Variants in ST14 observed in about 807,000 individuals in gnomAD.
The protein encoded by ST14 is suppressor of tumorigenicity 14 protein.
In ST14, 40 loss-of-function variants were observed where a neutral mutation model predicts 96.5. The observed-to-expected ratio is 0.41, with a 90% CI of 0.32 to 0.54. ST14 has a LOEUF of 0.54. Ranked by LOEUF, ST14 falls within the 20% of genes least tolerant of loss-of-function variation. The pLI is 0.17. For synonymous variants in ST14, 506 were observed against 492.1 expected (o/e 1.03, Z -0.37); for missense variants, 1,066 against 1,188.9 (o/e 0.90, Z 1.52).
chr11:130,208,288 C>T (rs970841087), intron 16 of ST14, 122 bp from the exon 17 acceptor site: 12 of 1,390,354 alleles, frequency 8.6e-6, no homozygotes, highest in Admixed American at 3.5e-5. Context: ...CCGGCCCCAT[C>T]GTCTTCTCGT....
At chr11:130,160,190 T>C in intron 1 of ST14, 130 bp downstream of exon 1, 1 of 593,460 alleles carries the variant, frequency 1.7e-6, no homozygotes, top group Non-Finnish European at 2.5e-6. Context: ...CAGGTGGAAT[T>C]TCCTGTTCAG....
chr11:130,208,710 C>G lies in ST14; in HGVS notation c.2269+26C>G, dbSNP rs371819952. On this transcript the variant is annotated intron_variant, in intron 17 of 18. Transcript: ENST00000278742. ...GTAAGCTTCGGGCTGACCTAGGGCT[C>G]CGCAGAGGGCCTGGGGCCTTTCTCC... 25 of 1,603,328 alleles carry G rather than the reference C, an allele frequency of 1.6e-5. No homozygotes were observed. The Admixed American group carries it at 2.0e-4, about 13-fold the overall frequency.
At position 130,177,477 on chromosome 11, in the gene ST14, C is replaced by T. The variant is rs1051505391; in HGVS notation, c.82-10637C>T. Among the ~76,000 whole-genome samples the T allele has an allele frequency of 1.1e-4, 16 of 152,224 alleles. No homozygotes were observed. In the South Asian group the frequency reaches 2.7e-3, roughly 26 times the overall value. ...ACTCGGGAGGCTGAGGCAGGAGAAC[C>T]GCTTGAACCTGGGAGGTGGAGGTTG... On this transcript the variant is annotated intron_variant, in intron 1 of 18. Transcript: ENST00000278742.
chr11:130,197,090 T>A (rs904148325), intron 11 of ST14, among the ~76,000 whole-genome samples: 3 of 152,210 alleles, frequency 2.0e-5, no homozygotes, highest in African/African-American at 7.2e-5. Context: ...CATGAGGAAG[T>A]GCCATTGGCT....
At position 130,162,780 on chromosome 11, in the gene ST14, C is replaced by T. The variant is rs530021097; in HGVS notation, c.81+2720C>T. ...TTCTGACTCATGAGTACTAGCTTCTCGATATGCACTGGGTGAGCACATGGC... is the reference window on the plus strand; with the variant it reads ...TTCTGACTCATGAGTACTAGCTTCTTGATATGCACTGGGTGAGCACATGGC... On this transcript the variant is annotated intron_variant, in intron 1 of 18. Transcript: ENST00000278742. 7.6e-4 allele frequency among the ~76,000 whole-genome samples: 115 copies of T among 152,248 alleles called. 1 individual carries two copies. Among genetic ancestry groups the T allele is most frequent in the African/African-American group, 2.7e-3 (113 of 41,554 alleles).
At chr11:130,204,893 G>A (rs1441284223) in intron 16 of ST14, among the ~76,000 whole-genome samples, 1 of 152,154 alleles carries the variant, frequency 6.6e-6, no homozygotes, top group Non-Finnish European at 1.5e-5. Flanking sequence ...CGCGAGTGAT[G>A]TGGAGGCAGA....
intron 1 of ST14, among the ~76,000 whole-genome samples, chr11:130,179,905 T>C (rs1953174727): frequency 3.9e-5 from 6 of 152,192 alleles, no homozygotes; most frequent in Admixed American, 3.9e-4. Context: ...TGGCTCGGTC[T>C]TTCCCTTGCA....
chr11:130,193,622 G>A (rs987904960), intron 7 of ST14, among the ~76,000 whole-genome samples: 2 of 152,030 alleles, frequency 1.3e-5, no homozygotes, highest in South Asian at 2.1e-4. Context: ...GGCGTGCACC[G>A]TGATGCCCAG....
chr11:130,190,069 T>C (rs779656910), intron 5 of ST14, 44 bp from the exon 6 acceptor site: 10 of 1,613,650 alleles, frequency 6.2e-6, no homozygotes, highest in Non-Finnish European at 8.5e-6. Context: ...AATAAGGAAA[T>C]GGATTGTATC....
At chr11:130,172,660 G>GC (rs1953103524) in intron 1 of ST14, among the ~76,000 whole-genome samples, 1 of 151,102 alleles carries the variant, frequency 6.6e-6, no homozygotes, top group Admixed American at 6.6e-5. Context: ...CTCGTGATCC[G>GC]CCCGCCTCAG....
chr11:130,175,703 G>A (rs1045479342), intron 1 of ST14, among the ~76,000 whole-genome samples: 1 of 150,832 alleles, frequency 6.6e-6, no homozygotes, highest in African/African-American at 2.4e-5. Context: ...ACTCTTTCTT[G>A]CCCAGGCTGG....
intron 12 of ST14, 99 bp downstream of exon 12, chr11:130,198,044 G>T: frequency 7.8e-7 from 1 of 1,288,380 alleles, no homozygotes; most frequent in South Asian, 1.3e-5. Context: ...AAAGGCCGGA[G>T]GTGGTGGGAG....
At chr11:130,199,821 G>A in intron 15 of ST14, 130 bp from the exon 16 acceptor site, 4 of 1,125,052 alleles carry the variant, frequency 3.6e-6, no homozygotes, top group Non-Finnish European at 4.0e-6. Context: ...CCCTGGCCAC[G>A]CCAGCAGTGC....
chr11:130,179,295 T>C (rs1400797482), intron 1 of ST14, among the ~76,000 whole-genome samples: 1 of 152,202 alleles, frequency 6.6e-6, no homozygotes, highest in Non-Finnish European at 1.5e-5. Context: ...ATTGTTCTTT[T>C]TCATGACCAG....
At chr11:130,172,706 C>T (rs762430068) in intron 1 of ST14, among the ~76,000 whole-genome samples, 4 of 152,284 alleles carry the variant, frequency 2.6e-5, no homozygotes, top group South Asian at 2.1e-4. Context: ...CGTGAACCAC[C>T]GCGCCCGGCC....
chr11:130,207,407 C>T (rs1285588572), intron 16 of ST14, among the ~76,000 whole-genome samples: 1 of 152,154 alleles, frequency 6.6e-6, no homozygotes, highest in African/African-American at 2.4e-5. Context: ...AAAAATTAGC[C>T]AGGCGTGGCT....
intron 1 of ST14, among the ~76,000 whole-genome samples, chr11:130,163,773 C>T (rs1953020288): frequency 6.6e-6 from 1 of 152,154 alleles, no homozygotes; most frequent in South Asian, 2.1e-4. Context: ...GGAAATTCCT[C>T]GTTTAGGAGT....
intron 16 of ST14, among the ~76,000 whole-genome samples, chr11:130,204,539 C>T (rs1289087732): frequency 2.0e-5 from 3 of 152,000 alleles, no homozygotes; most frequent in Admixed American, 6.6e-5. Flanking sequence ...GGGCCTGGCG[C>T]GGTGGCTCAT....
chr11:130,174,652 A>G (rs563355447), intron 1 of ST14, among the ~76,000 whole-genome samples: 3 of 152,152 alleles, frequency 2.0e-5, no homozygotes, highest in Non-Finnish European at 4.4e-5. Flanking sequence ...GTTTTGCTTG[A>G]TAAATTTAAA....
Sources: gnomAD v4.1 joint callset for allele counts (sites outside exome capture counted in the v4.1 genomes callset) on GRCh38, gnomAD v4.1.1 for gene constraint, MANE v1.5 for transcripts, NCBI Gene and HGNC (gene_info 2026-07-23, HGNC 2026-07-21) for gene names.